Variants in RBFOX1 observed in about 807,000 individuals in gnomAD.
RBFOX1 encodes the protein RNA binding protein fox-1 homolog 1.
A neutral mutation model predicts 57.7 loss-of-function variants in RBFOX1; 8 were observed. That is an observed-to-expected ratio of 0.14 (90% CI 0.08 to 0.25). The LOEUF (loss-of-function observed/expected upper bound fraction) is 0.25. Among genes scored for constraint, RBFOX1 ranks in the 10% least tolerant of loss-of-function variants. The pLI, the probability that RBFOX1 is intolerant of heterozygous loss-of-function variation, is 1.00. For synonymous variants in RBFOX1, 326 were observed against 222.4 expected, an observed-to-expected ratio of 1.47 and a Z score of -4.15; for missense variants, 611 against 548.5, an observed-to-expected ratio of 1.11 and a Z score of -1.14.
chr16:6,749,487 A>G lies in RBFOX1; in HGVS notation c.-16+94837A>G, dbSNP rs1345569024. ...GGGAGGTAGGACTCATGTTTTCCCC[A>G]CTTTCCAGATAAGGATACTGAGGTT... On this transcript the variant is annotated intron_variant, in intron 3 of 15. Transcript: ENST00000550418. 5.9e-5 allele frequency among the ~76,000 whole-genome samples: 9 copies of G among 152,082 alleles called. No homozygotes were observed. The East Asian group carries it at 1.7e-3, about 29-fold the overall frequency.
At chr16:7,691,628 T>C (rs1261062148) in intron 14 of RBFOX1, among the ~76,000 whole-genome samples, 1 of 152,152 alleles carries the variant, frequency 6.6e-6, no homozygotes. Flanking sequence ...CTATTCATAC[T>C]TGTAGGTTGC....
intron 4 of RBFOX1, among the ~76,000 whole-genome samples, chr16:7,203,731 G>C (rs1418985635): frequency 6.6e-6 from 1 of 151,862 alleles, no homozygotes; most frequent in Non-Finnish European, 1.5e-5. Flanking sequence ...GTTTCCCTTT[G>C]CAAATATCTG....
chr16:5,242,499 A>C (rs1034293173), intron 1 of RBFOX1, among the ~76,000 whole-genome samples: 1 of 152,084 alleles, frequency 6.6e-6, no homozygotes, highest in South Asian at 2.1e-4. Context: ...CTATGGGAAT[A>C]CTCTCTTTGA....
At chr16:5,407,368 A>G (rs746877344) in intron 1 of RBFOX1, among the ~76,000 whole-genome samples, 4 of 152,064 alleles carry the variant, frequency 2.6e-5, no homozygotes, top group Non-Finnish European at 4.4e-5. Flanking sequence ...TAGGAATTAG[A>G]TGAGTAGTGA....
At position 6,125,709 on chromosome 16, in the gene RBFOX1, T is replaced by A. The variant is rs139602708; in HGVS notation, c.-127+105717T>A. 8.1e-4 allele frequency among the ~76,000 whole-genome samples: 123 copies of A among 152,274 alleles called. 1 individual carries two copies. In the East Asian group the frequency reaches 0.022, roughly 27 times the overall value. The stretch of plus-strand genomic sequence containing the variant: ...CGTGTCTAACCTGGATTGATGGTTC[T>A]GGTTGATCAGGATTTGCAGGAAATA... On this transcript the variant is annotated intron_variant, in intron 1 of 15. Transcript: ENST00000550418.
chr16:6,074,507 G>C lies in RBFOX1; in HGVS notation c.-127+54515G>C, dbSNP rs376064429. 4.5e-4 allele frequency among the ~76,000 whole-genome samples: 68 copies of C among 152,300 alleles called. 2 individuals carry two copies. In the South Asian group the frequency reaches 0.013, roughly 30 times the overall value. Reference sequence around the variant, plus strand: ...TGCTAGAGCATGGGGGTCCTGTGAAGGAACCAAATATCTATGATGCTTGTT... The same window carrying C: ...TGCTAGAGCATGGGGGTCCTGTGAACGAACCAAATATCTATGATGCTTGTT... On this transcript the variant is annotated intron_variant, in intron 1 of 15. Transcript: ENST00000550418.
chr16:7,295,646 A>G (rs2095873944), intron 4 of RBFOX1, among the ~76,000 whole-genome samples: 1 of 152,016 alleles, frequency 6.6e-6, no homozygotes, highest in Non-Finnish European at 1.5e-5. Flanking sequence ...CAAGACTCCA[A>G]AAGGTGTACT....
intron 3 of RBFOX1, among the ~76,000 whole-genome samples, chr16:6,695,791 G>C (rs889154384): frequency 6.6e-6 from 1 of 152,128 alleles, no homozygotes; most frequent in Non-Finnish European, 1.5e-5. Context: ...ACAGTTCTTT[G>C]ATATCTTCAT....
chr16:6,181,092 C>T (rs2097059196), intron 1 of RBFOX1, among the ~76,000 whole-genome samples: 1 of 152,166 alleles, frequency 6.6e-6, no homozygotes, highest in African/African-American at 2.4e-5. Flanking sequence ...ATCACCTCTG[C>T]ATCTGCACAC....
chr16:5,392,949 C>A (rs1314458776), intron 1 of RBFOX1, among the ~76,000 whole-genome samples: 2 of 152,062 alleles, frequency 1.3e-5, no homozygotes, highest in Non-Finnish European at 2.9e-5. Context: ...TTTTTTCATT[C>A]CACATATCTT....
At chr16:6,733,603 C>G (rs1183560778) in intron 3 of RBFOX1, among the ~76,000 whole-genome samples, 2 of 152,124 alleles carry the variant, frequency 1.3e-5, no homozygotes, top group Non-Finnish European at 2.9e-5. Flanking sequence ...GAGATCCTTA[C>G]AGGAAGTAGC....
chr16:7,254,097 T>A (rs1399642736), intron 4 of RBFOX1, among the ~76,000 whole-genome samples: 2 of 152,178 alleles, frequency 1.3e-5, no homozygotes, highest in Non-Finnish European at 2.9e-5. Flanking sequence ...TGCCCTTTAC[T>A]TCCACCTGTT....
chr16:6,876,345 C>A (rs888088569), intron 3 of RBFOX1, among the ~76,000 whole-genome samples: 1 of 152,098 alleles, frequency 6.6e-6, no homozygotes, highest in African/African-American at 2.4e-5. Context: ...GACTATTCCA[C>A]CATCAAAGAA....
At chr16:5,347,020 A>G (rs936532940) in intron 1 of RBFOX1, among the ~76,000 whole-genome samples, 1 of 151,766 alleles carries the variant, frequency 6.6e-6, no homozygotes, top group Non-Finnish European at 1.5e-5. Flanking sequence ...TAACACACCT[A>G]CTTGGCTTGT....
chr16:7,490,491 G>T (rs969049996), intron 4 of RBFOX1, among the ~76,000 whole-genome samples: 3 of 152,194 alleles, frequency 2.0e-5, no homozygotes, highest in African/African-American at 7.2e-5. Flanking sequence ...AATTAGAGGG[G>T]TTGAGTCTGA....
At chr16:5,867,264 T>G (rs2057364591) in intron 3 of RBFOX1, 4 of 1,160,054 alleles carry the variant, frequency 3.4e-6, no homozygotes, top group Non-Finnish European at 4.3e-6. Context: ...TACCTTCTTG[T>G]TGAATCAATA....
chr16:6,111,465 G>C (rs1027874011), intron 1 of RBFOX1, among the ~76,000 whole-genome samples: 1 of 152,214 alleles, frequency 6.6e-6, no homozygotes, highest in Non-Finnish European at 1.5e-5. Context: ...TTCCAAGAAA[G>C]TTTGTCATTC....
At chr16:5,451,964 A>G (rs916067921) in intron 1 of RBFOX1, among the ~76,000 whole-genome samples, 5 of 151,968 alleles carry the variant, frequency 3.3e-5, no homozygotes, top group African/African-American at 1.2e-4. Context: ...TCAAAATAAA[A>G]TTCACCATCA....
At chr16:6,804,007 T>C (rs2086112263) in intron 3 of RBFOX1, among the ~76,000 whole-genome samples, 1 of 151,180 alleles carries the variant, frequency 6.6e-6, no homozygotes, top group African/African-American at 2.5e-5. Flanking sequence ...ATAAAACTCA[T>C]ACAATTTTTT....
Sources: allele counts gnomAD v4.1 joint callset (sites outside exome capture counted in the v4.1 genomes callset), GRCh38; gene constraint gnomAD v4.1.1; transcripts MANE v1.5; gene names NCBI Gene and HGNC (gene_info 2026-07-23, HGNC 2026-07-21).